Variants in VPS11 observed in about 807,000 individuals in gnomAD.
VPS11 encodes VPS11 core subunit of CORVET and HOPS complexes.
VPS11 carries 51 observed loss-of-function variants against 106.8 expected under a neutral mutation model. That is an observed-to-expected ratio of 0.48 (90% confidence interval 0.38 to 0.60). The LOEUF (loss-of-function observed/expected upper bound fraction) is 0.60, where lower values mean the gene tolerates loss of function less well. VPS11 is among the 20% of genes least tolerant of loss of function. The probability of loss-of-function intolerance (pLI) is 0.00; values close to 1 mark genes in which losing one functional copy is unlikely to be tolerated. For missense variants in VPS11, 950 were observed against 1,190.0 expected, an observed-to-expected ratio of 0.80 and a Z score of 2.97; for synonymous variants, 453 against 458.7, an observed-to-expected ratio of 0.99 and a Z score of 0.16.
rs1001730690 is a variant in VPS11 at position 119,081,564 on chromosome 11, T to C, written c.2767T>C (p.Ser923Pro). Residue 923 changes from serine (S) to proline (P), a missense_variant, in exon 16 of 16, where the codon TCC becomes CCC. Coordinates refer to ENST00000621676, the MANE Select transcript of VPS11 (RefSeq NM_021729.6). Reference protein sequence around the residue: ...LTDPPTARLTSSLEAGLQRDL... With the variant: ...LTDPPTARLTPSLEAGLQRDL... Reference sequence around the variant, plus strand: ...CGACCCTCCCACAGCCAGACTGACCTCCAGCCTGGAGGCTGGGCTGCAACG... The same window carrying C: ...CGACCCTCCCACAGCCAGACTGACCCCCAGCCTGGAGGCTGGGCTGCAACG... The C allele has an allele frequency of 6.2e-7, 1 of 1,613,866 alleles. No individual in the cohort carries two copies. Among genetic ancestry groups the C allele is most frequent in the South Asian group, 1.1e-5 (1 of 91,092 alleles).
rs1352567884 is a variant in VPS11 at position 119,067,950 on chromosome 11, C to T, written c.127C>T (p.Leu43Phe). ...PASGSAASKFLCLPPGITVCD... is the reference protein window; with the variant it reads ...PASGSAASKFFCLPPGITVCD... Reference sequence around the variant, plus strand: ...TTCTGGATCCGCTGCTTCCAAGTTCCTTTGCCTCCCTCCTGGCATCACTGT... The same window carrying T: ...TTCTGGATCCGCTGCTTCCAAGTTCTTTTGCCTCCCTCCTGGCATCACTGT... The change falls in exon 1 of 16, where the codon CTT (leucine) becomes TTT (phenylalanine). Residue 43 changes from leucine (L) to phenylalanine (F), a missense_variant. By Grantham distance (22) the Leu-to-Phe change is conservative. This residue lies in a region of VPS11 where 435 missense variants were observed against 630.2 expected (regional missense o/e 0.69). Coordinates refer to ENST00000621676, the MANE Select transcript of VPS11 (RefSeq NM_021729.6). 6.2e-7 allele frequency: 1 copy of T among 1,612,712 alleles called. No homozygotes were observed. The highest frequency in any genetic ancestry group is 8.5e-7 in the Non-Finnish European group (1 of 1,179,428).
rs1001730690 is a variant in VPS11, at chr11:119,081,564, T to A, written c.2767T>A (p.Ser923Thr). ...CGACCCTCCCACAGCCAGACTGACC[T>A]CCAGCCTGGAGGCTGGGCTGCAACG... ...LTDPPTARLT[S>T]SLEAGLQRDL... Residue 923 changes from serine to threonine, a missense_variant, in exon 16 of 16, where the codon TCC becomes ACC. Around this residue, in one of 3 missense-constraint regions of VPS11, gnomAD observed 453 missense variants for 514.6 expected, o/e 0.88. Coordinates refer to ENST00000621676, the MANE Select transcript of VPS11 (RefSeq NM_021729.6). 3 of 1,613,866 alleles carry A rather than the reference T, an allele frequency of 1.9e-6. No homozygotes were observed. In the African/African-American group the frequency reaches 4.0e-5, roughly 22 times the overall value.
intron 7 of VPS11, among the ~76,000 whole-genome samples, chr11:119,075,439 T>G (rs2134775538): frequency 6.6e-6 from 1 of 150,938 alleles, no homozygotes; most frequent in Non-Finnish European, 1.5e-5. Flanking sequence ...GCGCCGTGGC[T>G]CATTCCTGTA....
intron 14 of VPS11, among the ~76,000 whole-genome samples, chr11:119,080,541 A>G (rs1409522487): frequency 7.0e-6 from 1 of 143,856 alleles, no homozygotes; most frequent in Non-Finnish European, 1.5e-5. Flanking sequence ...GCTAATCTTT[A>G]TATTTTTAGT....
Position 119,067,905 on chromosome 11 carries a change from G to A in VPS11, c.82G>A (p.Ala28Thr), listed in dbSNP as rs2133639638. ...GGAGCCGCTGAGCAATGATGGGGCC[G>A]CTCCCGGGGCCACACCTGCTTCTGG... ...VKEPLSNDGA[A>T]PGATPASGSA... is the part of the protein sequence containing the mutation. Residue 28 changes from alanine to threonine, a missense_variant, in exon 1 of 16, where the codon GCT (alanine) becomes ACT (threonine). Coordinates refer to ENST00000621676, the MANE Select transcript of VPS11 (RefSeq NM_021729.6). The A allele has an allele frequency of 1.2e-6, 2 of 1,602,662 alleles. No homozygotes were observed. The highest frequency in any genetic ancestry group is 8.5e-7 in the Non-Finnish European group (1 of 1,174,712).
intron 4 of VPS11, chr11:119,070,650 G>C (rs764424239): frequency 1.1e-4 from 28 of 255,894 alleles, no homozygotes; most frequent in Non-Finnish European, 1.8e-4. Flanking sequence ...GTGTTGCTCA[G>C]GCTGGAGTGC....
At chr11:119,073,542 T>A in intron 6 of VPS11, 143 bp downstream of exon 6, 1 of 1,119,864 alleles carries the variant, frequency 8.9e-7, no homozygotes, top group Non-Finnish European at 1.2e-6. Flanking sequence ...GATTATAAGG[T>A]AAATGGCCTG....
chr11:119,070,293 AAGACCC>A lies in VPS11; in HGVS notation c.536_541del (p.Thr179_Gln180del). 1 of 1,613,408 alleles carries A rather than the reference AAGACCC, an allele frequency of 6.2e-7. No individual in the cohort carries two copies. Among genetic ancestry groups the A allele is most frequent in the Non-Finnish European group, 8.5e-7 (1 of 1,179,566 alleles). ...AGACATCACCCGGGACCGGCATAGC[AAGACCC>A]AGATTTTGCACAAGGGCAACTATCC... On this transcript the variant is annotated inframe_deletion, in exon 4 of 16. Coordinates refer to ENST00000621676, the MANE Select transcript of VPS11 (RefSeq NM_021729.6).
rs1454966198 is a variant in VPS11 at position 119,069,477 on chromosome 11, C to A, written c.372C>A (p.Gly124=). ...GGAACCTGGAGAAGAGAGATGGTGG[C>A]AATCCACTCTGCACTCGAATCTTCC... The part of the protein sequence containing the change: ...KIWNLEKRDG[G]NPLCTRIFPA... The change falls in exon 3 of 16, where the codon GGC becomes GGA. Residue 124 remains glycine, a synonymous_variant. Transcript: ENST00000621676. 2.5e-5 allele frequency: 40 copies of A among 1,613,864 alleles called. No individual in the cohort carries two copies. The highest frequency in any genetic ancestry group is 3.3e-5 in the Non-Finnish European group (39 of 1,179,904).
intron 5 of VPS11, 160 bp from the exon 6 acceptor site, chr11:119,073,038 A>G (rs370160549): frequency 2.6e-5 from 19 of 744,150 alleles, no homozygotes; most frequent in South Asian, 1.3e-4. Context: ...TGTGTTCTCT[A>G]TGTACAACTA....
chr11:119,078,280 C>T lies in VPS11; in HGVS notation c.1869C>T (p.Tyr623=), dbSNP rs548644674. ...EVQPDSPQGI[Y]DTLLELRLQN... ...AGCCAGACTCACCCCAGGGGATCTA[C>T]GACACACTCCTTGAGCTGCGACTGC... The change falls in exon 11 of 16, where the codon TAC becomes TAT. Residue 623 remains tyrosine, a synonymous_variant. Transcript: ENST00000621676. 12 of 1,613,346 alleles carry T rather than the reference C, an allele frequency of 7.4e-6. No homozygotes were observed. Among genetic ancestry groups the T allele is most frequent in the Middle Eastern group, 1.7e-4 (1 of 6,060 alleles).
intron 5 of VPS11, chr11:119,072,301 T>C: frequency 6.0e-6 from 1 of 166,176 alleles, no homozygotes; most frequent in Non-Finnish European, 1.3e-5. Flanking sequence ...TACAATGCTT[T>C]TTTTAACTGA....
At position 119,069,563 on chromosome 11, in the gene VPS11, A is replaced by G. The variant is rs1945289449; in HGVS notation, c.458A>G (p.Asn153Ser). 1 of 1,613,838 alleles carries G rather than the reference A, an allele frequency of 6.2e-7. No individual in the cohort carries two copies. Among genetic ancestry groups the G allele is most frequent in the Admixed American group, 1.7e-5 (1 of 59,996 alleles). Residue 153 changes from asparagine (N) to serine (S), a missense_variant, in exon 3 of 16, where the codon AAC becomes AGC. By Grantham distance (46) the Asn-to-Ser change is conservative (BLOSUM62 1). Coordinates refer to ENST00000621676, the MANE Select transcript of VPS11 (RefSeq NM_021729.6). ...VSCLTVHENL[N>S]FMAIGFTDGS... ...TGTTTGACTGTCCATGAAAATCTCA[A>G]CTTTATGGCCATTGGTAAACAGAAG...
chr11:119,077,402 T>TA, intron 8 of VPS11, 99 bp from the exon 9 acceptor site: 4 of 1,461,922 alleles, frequency 2.7e-6, no homozygotes, highest in Non-Finnish European at 2.8e-6. Flanking sequence ...GTGTGAACGT[T>TA]ATGATATCAC....
chr11:119,078,673 G>A lies in VPS11; in HGVS notation c.2032G>A (p.Gly678Ser). The change falls in exon 12 of 16, where the codon GGT (glycine) becomes AGT (serine). Residue 678 changes from glycine to serine, a missense_variant. Physicochemically the swap from Gly to Ser is moderately conservative, Grantham distance 56. Coordinates refer to ENST00000621676, the MANE Select transcript of VPS11 (RefSeq NM_021729.6). ...VLCQMHDFQDGVLYLYEQGKL... is the reference protein window; with the variant it reads ...VLCQMHDFQDSVLYLYEQGKL... ...GTGCCAGATGCACGACTTCCAGGAT[G>A]GTGTCCTTTACCTTTATGAGCAGGG... 1.9e-6 allele frequency: 3 copies of A among 1,613,304 alleles called. No individual in the cohort carries two copies. Among genetic ancestry groups the A allele is most frequent in the Non-Finnish European group, 2.5e-6 (3 of 1,179,468 alleles).
At chr11:119,078,413 T>C (rs45531236) in intron 11 of VPS11, 79 bp downstream of exon 11, 188 of 1,583,134 alleles carry the variant, frequency 1.2e-4, no homozygotes, top group Non-Finnish European at 1.6e-4. Flanking sequence ...TGCCTTTCAC[T>C]GCATTCCTTA....
Position 119,078,676 on chromosome 11 carries a change from G to T in VPS11, c.2035G>T (p.Val679Phe). The change falls in exon 12 of 16, where the codon GTC becomes TTC. Residue 679 changes from valine to phenylalanine, a missense_variant. Physicochemically the swap from Val to Phe is conservative, Grantham distance 50 (BLOSUM62 -1). Transcript: ENST00000621676. ...LCQMHDFQDG[V>F]LYLYEQGKLF... Reference sequence around the variant, plus strand: ...CCAGATGCACGACTTCCAGGATGGTGTCCTTTACCTTTATGAGCAGGGGAA... The same window carrying T: ...CCAGATGCACGACTTCCAGGATGGTTTCCTTTACCTTTATGAGCAGGGGAA... The T allele has an allele frequency of 6.2e-7, 1 of 1,613,104 alleles. No homozygotes were observed. The highest frequency in any genetic ancestry group is 8.5e-7 in the Non-Finnish European group (1 of 1,179,348).
chr11:119,080,137 C>T (rs1945795609), intron 14 of VPS11, among the ~76,000 whole-genome samples: 1 of 152,182 alleles, frequency 6.6e-6, no homozygotes, highest in Non-Finnish European at 1.5e-5. Flanking sequence ...CAGCTCACAG[C>T]AACCTTTACC....
Position 119,077,039 on chromosome 11 carries a change from T to G in VPS11, c.1381T>G (p.Tyr461Asp). The change falls in exon 8 of 16, where the codon TAT (tyrosine) becomes GAT (aspartate). Residue 461 changes from tyrosine (Y) to aspartate (D), a missense_variant. Transcript: ENST00000621676. Reference sequence around the variant, plus strand: ...CCATACCACCCTGCTCCTCAACTGCTATACCAAGCTCAAGGACAGCTCGAA... The same window carrying G: ...CCATACCACCCTGCTCCTCAACTGCGATACCAAGCTCAAGGACAGCTCGAA... ...ADHTTLLLNC[Y>D]TKLKDSSKLE... is the part of the protein sequence containing the mutation. The G allele has an allele frequency of 6.2e-7, 1 of 1,613,716 alleles. No homozygotes were observed. The highest frequency in any genetic ancestry group is 8.5e-7 in the Non-Finnish European group (1 of 1,179,780).
Sources: gnomAD v4.1 joint callset for allele counts (sites outside exome capture counted in the v4.1 genomes callset) on GRCh38, gnomAD v4.1.1 for gene constraint, gnomAD v4.1.1 regional missense constraint, MANE v1.5 for transcripts, NCBI Gene and HGNC (gene_info 2026-07-23, HGNC 2026-07-21) for gene names.